TUSC3: variants seen among roughly 807,000 people sequenced by gnomAD.
TUSC3 encodes dolichyl-diphosphooligosaccharide--protein glycosyltransferase subunit TUSC3.
TUSC3 carries 45 observed loss-of-function variants against 44.8 expected under a neutral mutation model. That is an observed-to-expected ratio of 1.00 (90% CI 0.79 to 1.29). The LOEUF (loss-of-function observed/expected upper bound fraction) is 1.29. Ranked by LOEUF, TUSC3 falls within the 50% of genes most tolerant of loss-of-function variation. TUSC3 has a pLI of 0.00. For synonymous variants in TUSC3, 212 were observed against 152.9 expected (o/e 1.39, Z -2.85); for missense variants, 519 against 437.9 (o/e 1.19, Z -1.65).
chr8:15,801,866 G>C, the TUSC3 span, among the ~76,000 whole-genome samples: 1 of 152,194 alleles, frequency 6.6e-6, no homozygotes, highest in Non-Finnish European at 1.5e-5. Context: ...GGATCCTGAA[G>C]GCTATCGTGG....
intron 1 of TUSC3, among the ~76,000 whole-genome samples, chr8:15,418,063 C>G (rs932019990): frequency 5.3e-5 from 8 of 152,148 alleles, no homozygotes; most frequent in Non-Finnish European, 1.2e-4. Flanking sequence ...GAATTTCATA[C>G]TCAATAAAAA....
intron 1 of TUSC3, chr8:15,417,336 A>C (rs574243735): frequency 6.6e-6 from 1 of 152,412 alleles, no homozygotes; most frequent in East Asian, 1.9e-4. Flanking sequence ...TTCTTTATAA[A>C]TTACACAGTC....
chr8:15,579,259 A>T (rs1483387037), intron 1 of TUSC3, among the ~76,000 whole-genome samples: 2 of 138,836 alleles, frequency 1.4e-5, no homozygotes, highest in Non-Finnish European at 3.2e-5. Context: ...GATCCTTTCA[A>T]AAAACCAGCT....
intron 5 of TUSC3, among the ~76,000 whole-genome samples, chr8:15,671,806 G>A (rs114949348): frequency 0.02 from 3,086 of 152,026 alleles, 83 homozygotes; most frequent in African/African-American, 0.069. Flanking sequence ...TATATAGTAA[G>A]CTCTTGGTGA....
At chr8:15,787,850 G>T in the TUSC3 span, among the ~76,000 whole-genome samples, 51 of 152,140 alleles carry the variant, frequency 3.4e-4, no homozygotes, top group Admixed American at 3.3e-3. Context: ...CATGTGCCAG[G>T]TTGAACTTTA....
chr8:15,633,807 C>T (rs1805935115), intron 2 of TUSC3, among the ~76,000 whole-genome samples: 1 of 152,166 alleles, frequency 6.6e-6, no homozygotes, highest in African/African-American at 2.4e-5. Flanking sequence ...GACTTCTAGC[C>T]TCCAGAACTA....
chr8:15,769,165 G>C (rs879553708), downstream of TUSC3, among the ~76,000 whole-genome samples: 7 of 152,104 alleles, frequency 4.6e-5, no homozygotes, highest in Non-Finnish European at 8.8e-5. Flanking sequence ...CACTCTACCT[G>C]ACTTCAAACT....
At chr8:15,687,215 T>C (rs1808673344) in intron 6 of TUSC3, among the ~76,000 whole-genome samples, 1 of 152,198 alleles carries the variant, frequency 6.6e-6, no homozygotes, top group South Asian at 2.1e-4. Flanking sequence ...CTGATTAACA[T>C]ATTTGTTAGG....
intron 9 of TUSC3, among the ~76,000 whole-genome samples, chr8:15,752,284 AAATATGTTCATGGTATATTCTGAGG>A (rs1176126565): frequency 1.3e-5 from 2 of 152,102 alleles, no homozygotes; most frequent in African/African-American, 4.8e-5. Flanking sequence ...ATGGGAAGAG[AAATATGTTCATGGTATATTCTGAGG>A]ATTATGAGTA....
the TUSC3 span, among the ~76,000 whole-genome samples, chr8:15,846,850 C>T: frequency 2.1e-5 from 3 of 144,732 alleles, no homozygotes; most frequent in Non-Finnish European, 4.5e-5. Context: ...CACATATATC[C>T]CAGAACTTAA....
rs1585059503 is a variant in TUSC3, at chr8:15,478,565, A to G, written n.92-4821A>G. 2.0e-5 allele frequency among the ~76,000 whole-genome samples: 3 copies of G among 152,248 alleles called. No homozygotes were observed. In the South Asian group the frequency reaches 6.2e-4, roughly 32 times the overall value. Reference sequence around the variant, plus strand: ...TTCCTGTGTTAGTTTGCTGAGGACAATGGCTTCCAGCACCATCCATGTCCC... The same window carrying G: ...TTCCTGTGTTAGTTTGCTGAGGACAGTGGCTTCCAGCACCATCCATGTCCC... On this transcript the variant is annotated intron_variant and non_coding_transcript_variant, in intron 1 of 5. Transcript: ENST00000503191.
chr8:15,555,155 TTTTTTTTGG>T (rs1802204000), intron 1 of TUSC3, among the ~76,000 whole-genome samples: 1 of 147,020 alleles, frequency 6.8e-6, no homozygotes, highest in Admixed American at 6.8e-5. Context: ...TTTTTTTTTT[TTTTTTTTGG>T]GGGGGACGAG....
chr8:15,764,146 T>A, intron 10 of TUSC3, 57 bp from the exon 11 acceptor site: 1 of 1,439,904 alleles, frequency 6.9e-7, no homozygotes, highest in East Asian at 2.3e-5. Context: ...ATAACAAACA[T>A]ATTGTATTTT....
chr8:15,495,189 C>G (rs1486769091), intron 2 of TUSC3, among the ~76,000 whole-genome samples: 1 of 152,168 alleles, frequency 6.6e-6, no homozygotes, highest in Non-Finnish European at 1.5e-5. Flanking sequence ...GTATCTTCCA[C>G]CCTTTAGATA....
the TUSC3 span, among the ~76,000 whole-genome samples, chr8:15,791,377 T>G: frequency 6.6e-6 from 1 of 152,144 alleles, no homozygotes; most frequent in Admixed American, 6.5e-5. Context: ...AATCCTATCA[T>G]GCACAAGATT....
chr8:15,769,691 G>T (rs148030639), downstream of TUSC3, among the ~76,000 whole-genome samples: 4 of 152,096 alleles, frequency 2.6e-5, no homozygotes, highest in African/African-American at 9.7e-5. Context: ...CTGACAAAGG[G>T]CTAATAATCC....
the TUSC3 span, among the ~76,000 whole-genome samples, chr8:15,812,954 C>T: frequency 2.0e-5 from 3 of 151,956 alleles, no homozygotes; most frequent in African/African-American, 2.4e-5. Flanking sequence ...ATTAGCTGGG[C>T]GTGGTGGCAT....
the TUSC3 span, chr8:15,806,965 T>C: frequency 6.8e-7 from 1 of 1,468,174 alleles, no homozygotes; most frequent in East Asian, 2.3e-5. Context: ...TTCATCAATC[T>C]CCAGGAAACC....
chr8:15,848,554 G>A, the TUSC3 span, among the ~76,000 whole-genome samples: 31 of 151,766 alleles, frequency 2.0e-4, no homozygotes, highest in Non-Finnish European at 3.1e-4. Context: ...ACTGTTCCCT[G>A]CTGCCTGTCA....
Sources: allele counts gnomAD v4.1 joint callset (sites outside exome capture counted in the v4.1 genomes callset), GRCh38; gene constraint gnomAD v4.1.1; transcripts MANE v1.5; gene names NCBI Gene and HGNC (gene_info 2026-07-23, HGNC 2026-07-21).